The following VAMP7 variants were observed in gnomAD, a reference collection of about 807,000 sequenced individuals.
VAMP7 encodes the protein vesicle-associated membrane protein 7.
A neutral mutation model predicts 29.6 loss-of-function variants in VAMP7; 14 were observed. That is an observed-to-expected ratio of 0.47 (90% CI 0.31 to 0.74). The LOEUF (loss-of-function observed/expected upper bound fraction) is 0.74. Ranked by LOEUF, VAMP7 falls within the 30% of genes least tolerant of loss-of-function variation. The probability of loss-of-function intolerance (pLI) is 0.05; values close to 1 mark genes in which losing one functional copy is unlikely to be tolerated. For missense variants in VAMP7, 223 were observed against 262.4 expected (o/e 0.85, Z 1.04); for synonymous variants, 95 against 88.1 (o/e 1.08, Z -0.44).
intron 5 of VAMP7, among the ~76,000 whole-genome samples, chrX:155,905,335 A>G (rs376976969): frequency 1.3e-5 from 2 of 152,140 alleles, no homozygotes; most frequent in African/African-American, 4.8e-5. Flanking sequence ...CTTATCAGAT[A>G]CATGATTTTC....
chrX:155,906,565 T>A (rs2066150251), intron 5 of VAMP7, among the ~76,000 whole-genome samples: 1 of 152,208 alleles, frequency 6.6e-6, no homozygotes, highest in South Asian at 2.1e-4. Flanking sequence ...TGTTCCTAAG[T>A]ATTTTTTTAT....
chrX:155,891,749 A>G (rs1243128079), intron 2 of VAMP7, among the ~76,000 whole-genome samples: 2 of 152,166 alleles, frequency 1.3e-5, no homozygotes, highest in South Asian at 2.1e-4. Context: ...GTTCTCCAGG[A>G]AGTTTTTCCT....
In VAMP7 at chrX:155,939,807, CT is replaced by C; in HGVS notation, c.594+18del. Reference sequence around the variant, plus strand: ...ATCGTATCAATTGTAAGTTTTTGTCCTTTTAGTGTATGGCTTTATTTTTCAA... The same window carrying C: ...ATCGTATCAATTGTAAGTTTTTGTCCTTTAGTGTATGGCTTTATTTTTCAA... On this transcript the variant is annotated intron_variant, in intron 7 of 7. Transcript: ENST00000286448. 6.3e-7 allele frequency: 1 copy of C among 1,593,372 alleles called. No individual in the cohort carries two copies. Among genetic ancestry groups the C allele is most frequent in the Non-Finnish European group, 8.6e-7 (1 of 1,161,432 alleles).
rs2066762821 is a variant in VAMP7, at chrX:155,942,594, T to C, written c.*643T>C. ...CTTTCAGGAATAAAGTTCAGTGTGC[T>C]GATCATTCACAATACAGTGGATAGC... On this transcript the variant is annotated 3_prime_UTR_variant, in exon 8 of 8. Coordinates refer to ENST00000286448, the MANE Select transcript of VAMP7 (RefSeq NM_005638.6). The C allele has an allele frequency of 5.7e-6, 1 of 174,604 alleles. No individual in the cohort carries two copies. Among genetic ancestry groups the C allele is most frequent in the Admixed American group, 5.5e-5 (1 of 18,184 alleles). 10.8% of individuals were successfully genotyped at this position (174,604 alleles called of 1,614,324 possible). A position where few individuals can be genotyped will look rare whatever the true frequency, so the allele number is the denominator to read the frequency against.
At chrX:155,910,531 C>G (rs1270665796) in intron 5 of VAMP7, among the ~76,000 whole-genome samples, 1 of 151,112 alleles carries the variant, frequency 6.6e-6, no homozygotes, top group East Asian at 1.9e-4. Flanking sequence ...GAAATCTCCA[C>G]ACTGGTTTCC....
intron 6 of VAMP7, 22 bp downstream of exon 6, chrX:155,919,902 A>G (rs201607497): frequency 3.8e-6 from 6 of 1,566,020 alleles, no homozygotes; most frequent in Non-Finnish European, 5.3e-6. Context: ...ATCTGATAAT[A>G]TGGAGTCTGA....
chrX:155,922,602 T>G lies in VAMP7; in HGVS notation c.501+2722T>G, dbSNP rs748767482. Among the ~76,000 whole-genome samples, 3 of 152,194 alleles carry G rather than the reference T, an allele frequency of 2.0e-5. No individual in the cohort carries two copies. In the East Asian group the frequency reaches 5.8e-4, roughly 29 times the overall value. ...TTCTTATATAACACTTTATTGGATT[T>G]GCTATTGTTTTGTTCAGGAATTTGG... On this transcript the variant is annotated intron_variant, in intron 6 of 7. Coordinates refer to ENST00000286448, the MANE Select transcript of VAMP7 (RefSeq NM_005638.6).
At chrX:155,909,520 G>C (rs1000225382) in intron 5 of VAMP7, among the ~76,000 whole-genome samples, 6 of 151,940 alleles carry the variant, frequency 3.9e-5, no homozygotes, top group African/African-American at 1.5e-4. Context: ...GCTAGCTTTA[G>C]ATTTAGTTTA....
In VAMP7 at chrX:155,942,521, C is replaced by G; in HGVS notation, c.*570C>G. 4.4e-6 allele frequency: 1 copy of G among 226,118 alleles called. No individual in the cohort carries two copies. 14.0% of individuals were successfully genotyped at this position (226,118 alleles called of 1,614,324 possible). A position where few individuals can be genotyped will look rare whatever the true frequency, so the allele number is the denominator to read the frequency against. ...TTTCAGTTAGATGGGGAACATTTTG[C>G]TAGCCCATTAGAAGCACACAGAATT... On this transcript the variant is annotated 3_prime_UTR_variant, in exon 8 of 8. Transcript: ENST00000286448.
At chrX:155,909,309 AGTTT>A (rs2066199455) in intron 5 of VAMP7, among the ~76,000 whole-genome samples, 1 of 152,000 alleles carries the variant, frequency 6.6e-6, no homozygotes, top group Admixed American at 6.6e-5. Context: ...TCATTTTGTA[AGTTT>A]GGTGGTGATG....
intron 5 of VAMP7, among the ~76,000 whole-genome samples, chrX:155,913,263 C>T (rs78650754): frequency 7.3e-5 from 11 of 151,688 alleles, no homozygotes; most frequent in South Asian, 2.1e-4. Context: ...TTGTAGATTC[C>T]GGATATTAGC....
At chrX:155,894,332 CT>C (rs1238300888) in intron 2 of VAMP7, among the ~76,000 whole-genome samples, 1 of 128,008 alleles carries the variant, frequency 7.8e-6, no homozygotes, top group African/African-American at 3.0e-5. Context: ...TTAATGTGTC[CT>C]TTTTAAAGTG....
intron 6 of VAMP7, among the ~76,000 whole-genome samples, chrX:155,927,781 A>T (rs868149576): frequency 8.6e-4 from 72 of 83,644 alleles, no homozygotes; most frequent in Admixed American, 1.8e-3. Context: ...TTTTTTTTTT[A>T]AAGTGAGTGC....
chrX:155,937,115 T>C (rs2066671631), intron 6 of VAMP7, among the ~76,000 whole-genome samples: 1 of 152,034 alleles, frequency 6.6e-6, no homozygotes, highest in Non-Finnish European at 1.5e-5. Context: ...AAAAAAATTC[T>C]AAAATGTGGA....
chrX:155,904,371 A>T (rs2066117091), intron 5 of VAMP7, among the ~76,000 whole-genome samples: 1 of 78,366 alleles, frequency 1.3e-5, no homozygotes, highest in South Asian at 3.8e-4. Flanking sequence ...AAAATAAAAT[A>T]AAAAAAGCAA....
intron 3 of VAMP7, 83 bp downstream of exon 3, chrX:155,895,763 C>G: frequency 8.0e-7 from 1 of 1,255,412 alleles, no homozygotes; most frequent in East Asian, 2.4e-5. Context: ...CCAGGGGTCC[C>G]CAACCCCCAG....
chrX:155,923,940 G>A (rs753426882), intron 6 of VAMP7, among the ~76,000 whole-genome samples: 19 of 152,014 alleles, frequency 1.2e-4, no homozygotes, highest in Non-Finnish European at 2.5e-4. Context: ...GGTTTGTTTT[G>A]GATCTTTTTT....
At chrX:155,886,533 C>A (rs1199905699) in intron 1 of VAMP7, among the ~76,000 whole-genome samples, 1 of 152,200 alleles carries the variant, frequency 6.6e-6, no homozygotes, top group African/African-American at 2.4e-5. Flanking sequence ...TTCCAGGTGA[C>A]TGTACTTTAT....
chrX:155,884,128 AC>A (rs1212707757), intron 1 of VAMP7, among the ~76,000 whole-genome samples: 1 of 151,374 alleles, frequency 6.6e-6, no homozygotes, highest in African/African-American at 2.4e-5. Flanking sequence ...TTAAAATTAA[AC>A]TTTTTTTTTT....
Sources: gnomAD v4.1 joint callset for allele counts (sites outside exome capture counted in the v4.1 genomes callset) on GRCh38, gnomAD v4.1.1 for gene constraint, MANE v1.5 for transcripts, NCBI Gene and HGNC (gene_info 2026-07-23, HGNC 2026-07-21) for gene names.